Variants in EPM2A observed in about 807,000 individuals in gnomAD.
The protein encoded by EPM2A is EPM2A glucan phosphatase, laforin, also known as laforin.
Under a neutral mutation model 26.5 loss-of-function variants are expected in EPM2A, and 21 were observed. The observed-to-expected ratio is 0.79, with a 90% CI of 0.56 to 1.14. The LOEUF (loss-of-function observed/expected upper bound fraction) is 1.14. Ranked by LOEUF, EPM2A falls within the 50% of genes most tolerant of loss-of-function variation. The pLI is 0.00. For synonymous variants in EPM2A, 217 were observed against 177.6 expected (o/e 1.22, Z -1.76); for missense variants, 458 against 440.8 (o/e 1.04, Z -0.35).
chr6:145,675,231 A>G (rs1053762340), intron 2 of EPM2A, among the ~76,000 whole-genome samples: 1 of 152,198 alleles, frequency 6.6e-6, no homozygotes, highest in Non-Finnish European at 1.5e-5. Flanking sequence ...AGACAAGCAA[A>G]TGCTGACAGA....
rs1047994769 is a variant in EPM2A, at chr6:145,733,405, G to A, written c.301+1793C>T. 3.3e-5 allele frequency among the ~76,000 whole-genome samples: 5 copies of A among 152,150 alleles called. No homozygotes were observed. The East Asian group carries it at 9.6e-4, about 29-fold the overall frequency. On this transcript the variant is annotated intron_variant, in intron 1 of 3. Transcript: ENST00000367519. ...TTAATTTTATGAGCATCCAGTAGGT[G>A]TCAATATCTATTGCCTAATTTTAAC...
At chr6:145,649,477 T>G (rs976317029) in intron 2 of EPM2A, among the ~76,000 whole-genome samples, 1 of 152,220 alleles carries the variant, frequency 6.6e-6, no homozygotes, top group Admixed American at 6.5e-5. Flanking sequence ...AGAATACTAA[T>G]GTGTTGGTAA....
intron 4 of EPM2A, among the ~76,000 whole-genome samples, chr6:145,424,302 A>G (rs773580364): frequency 2.6e-5 from 4 of 152,248 alleles, no homozygotes; most frequent in Non-Finnish European, 5.9e-5. Flanking sequence ...TAAGTTGACT[A>G]AATGTTTGAG....
At chr6:145,574,172 C>A (rs1487802416) in intron 2 of EPM2A, among the ~76,000 whole-genome samples, 2 of 152,086 alleles carry the variant, frequency 1.3e-5, no homozygotes, top group Admixed American at 1.3e-4. Flanking sequence ...GGCCATGATT[C>A]TCTGATTTTA....
At chr6:145,409,006 T>A (rs922829048) in intron 4 of EPM2A, among the ~76,000 whole-genome samples, 24 of 152,186 alleles carry the variant, frequency 1.6e-4, no homozygotes, top group African/African-American at 5.8e-4. Context: ...CCACAGCAAG[T>A]ACTAATACCA....
chr6:145,696,775 AT>A (rs1781599190), intron 1 of EPM2A, among the ~76,000 whole-genome samples: 1 of 135,216 alleles, frequency 7.4e-6, no homozygotes, highest in Non-Finnish European at 1.6e-5. Flanking sequence ...AGGTAGGGGT[AT>A]GTGTGTGTGT....
chr6:145,524,132 G>T, intron 2 of EPM2A, among the ~76,000 whole-genome samples: 1 of 152,012 alleles, frequency 6.6e-6, no homozygotes, highest in South Asian at 2.1e-4. Context: ...TTTCATTTTT[G>T]TGGCTGCATA....
chr6:145,397,259 C>T (rs78292207), intron 4 of EPM2A, among the ~76,000 whole-genome samples: 96 of 152,002 alleles, frequency 6.3e-4, no homozygotes, highest in African/African-American at 2.3e-3. Flanking sequence ...AGCGAGAACA[C>T]GTCTCTACTA....
chr6:145,554,459 G>GATAGATAGATAGATAGATAGATAGATAC (rs1187061981), intron 2 of EPM2A, among the ~76,000 whole-genome samples: 1 of 151,494 alleles, frequency 6.6e-6, no homozygotes, highest in Non-Finnish European at 1.5e-5. Flanking sequence ...TAGATAGATA[G>GATAGATAGATAGATAGATAGATAGATAC]ATAGATAGAT....
At chr6:145,659,877 T>C (rs977232170) in intron 2 of EPM2A, among the ~76,000 whole-genome samples, 7 of 152,192 alleles carry the variant, frequency 4.6e-5, no homozygotes, top group Admixed American at 1.3e-4. Context: ...AATCCAGATG[T>C]TTCCGTACCT....
intron 1 of EPM2A, among the ~76,000 whole-genome samples, chr6:145,720,246 A>G (rs1460838124): frequency 2.0e-5 from 3 of 152,172 alleles, no homozygotes; most frequent in African/African-American, 4.8e-5. Context: ...TTAAATAAGT[A>G]TTTCTTTTAT....
chr6:145,509,664 C>T (rs1032025066), intron 2 of EPM2A, among the ~76,000 whole-genome samples: 1 of 152,102 alleles, frequency 6.6e-6, no homozygotes, highest in African/African-American at 2.4e-5. Context: ...ACCCATAAAG[C>T]AACTACATAA....
chr6:145,558,755 T>C (rs1780766350), intron 2 of EPM2A, among the ~76,000 whole-genome samples: 1 of 152,132 alleles, frequency 6.6e-6, no homozygotes, highest in Non-Finnish European at 1.5e-5. Context: ...AGAGATAAGA[T>C]GACTAAAGCC....
chr6:145,470,332 T>C (rs1779457856), intron 4 of EPM2A, among the ~76,000 whole-genome samples: 1 of 152,198 alleles, frequency 6.6e-6, no homozygotes, highest in East Asian at 1.9e-4. Flanking sequence ...AATTAAAAAT[T>C]AAAATTTCTT....
intron 4 of EPM2A, among the ~76,000 whole-genome samples, chr6:145,394,723 T>C (rs548536088): frequency 3.5e-4 from 54 of 152,216 alleles, no homozygotes; most frequent in African/African-American, 1.3e-3. Flanking sequence ...ACTCAGTGTC[T>C]CTCAGCTATG....
chr6:145,550,033 A>G (rs960297861), intron 2 of EPM2A, among the ~76,000 whole-genome samples: 11 of 152,168 alleles, frequency 7.2e-5, no homozygotes, highest in African/African-American at 2.7e-4. Flanking sequence ...CCGAAAGTTC[A>G]TAAAGTGGTG....
chr6:145,629,341 C>T (rs1431961436), intron 3 of EPM2A: 3 of 152,216 alleles, frequency 2.0e-5, no homozygotes, highest in African/African-American at 4.8e-5. Context: ...CCATCTAAAC[C>T]ACCACACCTG....
At position 145,735,388 on chromosome 6, in the gene EPM2A, G is replaced by T. The variant is rs1425061464; in HGVS notation, c.111C>A (p.Ala37=). Residue 37 remains alanine (A), a synonymous_variant, in exon 1 of 4, where the codon GCC becomes GCA. Coordinates refer to ENST00000367519, the MANE Select transcript of EPM2A (RefSeq NM_005670.4). ...CGGTGCCGGCCGGCCTCAGGCGGAC[G>T]GCACCGCGCGGCTCCCAACGCCCCA... ...PELGRWEPRG[A]VRLRPAGTAA... The T allele has an allele frequency of 4.5e-6, 5 of 1,106,462 alleles. No homozygotes were observed. The African/African-American group carries it at 5.1e-5, about 11-fold the overall frequency. The allele number at this position is 1,106,462 out of a possible 1,614,324, so 68.5% of individuals were successfully genotyped here. A position where few individuals can be genotyped will look rare whatever the true frequency, so the allele number is the denominator to read the frequency against.
chr6:145,714,008 C>G (rs1775477187), intron 1 of EPM2A, among the ~76,000 whole-genome samples: 1 of 152,146 alleles, frequency 6.6e-6, no homozygotes, highest in African/African-American at 2.4e-5. Flanking sequence ...GACTCCATTT[C>G]TATGAAATAT....
Sources: gnomAD v4.1 joint callset for allele counts (sites outside exome capture counted in the v4.1 genomes callset) on GRCh38, gnomAD v4.1.1 for gene constraint, MANE v1.5 for transcripts, NCBI Gene and HGNC (gene_info 2026-07-23, HGNC 2026-07-21) for gene names.